The following TRPC4 variants were observed in gnomAD, a reference collection of about 807,000 sequenced individuals.
TRPC4 encodes the protein short transient receptor potential channel 4.
A neutral mutation model predicts 99.4 loss-of-function variants in TRPC4; 49 were observed. The observed-to-expected ratio is 0.49, with a 90% confidence interval of 0.39 to 0.63. The LOEUF is 0.63. Among genes scored for constraint, TRPC4 ranks in the 20% least tolerant of loss-of-function variants. The pLI is 0.00. For missense variants in TRPC4, 898 were observed against 1,152.9 expected, an observed-to-expected ratio of 0.78 and a Z score of 3.20; for synonymous variants, 454 against 425.9, an observed-to-expected ratio of 1.07 and a Z score of -0.81.
intron 7 of TRPC4, among the ~76,000 whole-genome samples, chr13:37,652,757 T>A (rs542832804): frequency 4.6e-4 from 1 of 2,182 alleles, no homozygotes; most frequent in South Asian, 0.025. Flanking sequence ...AAAAAGGCAA[T>A]CACTTAGATA....
At chr13:37,681,768 G>A (rs573758121) in intron 4 of TRPC4, among the ~76,000 whole-genome samples, 8 of 152,282 alleles carry the variant, frequency 5.3e-5, no homozygotes, top group East Asian at 3.9e-4. Flanking sequence ...GGAACATTTC[G>A]AAATTGCTCT....
chr13:37,864,303 A>G (rs2139732158), intron 1 of TRPC4, among the ~76,000 whole-genome samples: 1 of 151,750 alleles, frequency 6.6e-6, no homozygotes, highest in South Asian at 2.1e-4. Flanking sequence ...TCCTTTAAGA[A>G]TTCTGGCACA....
Position 37,857,089 on chromosome 13 carries a change from C to T in TRPC4, c.-28+12506G>A, listed in dbSNP as rs78279226. On this transcript the variant is annotated intron_variant, in intron 1 of 10. Transcript: ENST00000379705. ...ACAAATTCAATAAACTTGCAAGATA[C>T]AAAATTAATGTACAAAAATTGGTAG... 9.0e-3 allele frequency among the ~76,000 whole-genome samples: 1,365 copies of T among 151,302 alleles called. 36 individuals carry two copies. The East Asian group carries it at 0.1, about 11-fold the overall frequency.
chr13:37,746,571 T>G, intron 2 of TRPC4, 116 bp from the exon 3 acceptor site: 6 of 1,219,802 alleles, frequency 4.9e-6, no homozygotes, highest in Non-Finnish European at 3.3e-6. Flanking sequence ...GGCCGGGTTT[T>G]TTTTTTTTTG....
intron 1 of TRPC4, among the ~76,000 whole-genome samples, chr13:37,798,992 C>T (rs902787670): frequency 4.0e-5 from 6 of 149,576 alleles, no homozygotes; most frequent in Admixed American, 2.0e-4. Context: ...AATACAGTGG[C>T]GTGATCTCCG....
chr13:37,637,015 A>G lies in TRPC4; in HGVS notation c.2822T>C (p.Val941Ala), dbSNP rs1318115948. 5 of 1,613,586 alleles carry G rather than the reference A, an allele frequency of 3.1e-6. No homozygotes were observed. The East Asian group carries it at 8.9e-5, about 29-fold the overall frequency. Residue 941 changes from valine to alanine, a missense_variant, in exon 11 of 11, where the codon GTT becomes GCT. Transcript: ENST00000379705. ...ATGTTTCTCCTTTGGTATTATAGGAACCGTGTCCTCCACCACCACCTTCTC... is the reference window on the plus strand; with the variant it reads ...ATGTTTCTCCTTTGGTATTATAGGAGCCGTGTCCTCCACCACCACCTTCTC... ...KSEKVVVEDT[V>A]PIIPKEKHAK...
At position 37,728,992 on chromosome 13, in the gene TRPC4, G is replaced by T. The variant is rs777230182; in HGVS notation, c.897+16945C>A. On this transcript the variant is annotated intron_variant, in intron 3 of 10. Coordinates refer to ENST00000379705, the MANE Select transcript of TRPC4 (RefSeq NM_016179.4). ...GAATATACACATAAATAAGAATGAA[G>T]TTGGACCCTTGCCATACCAAAAATT... Among the ~76,000 whole-genome samples the T allele has an allele frequency of 2.5e-4, 38 of 152,188 alleles. 1 individual carries two copies. Among genetic ancestry groups the T allele is most frequent in the Non-Finnish European group, 5.0e-4 (34 of 67,980 alleles).
intron 2 of TRPC4, among the ~76,000 whole-genome samples, chr13:37,780,308 A>AT (rs1242242358): frequency 9.2e-5 from 14 of 151,832 alleles, no homozygotes; most frequent in East Asian, 3.9e-4. Context: ...TCAGATTTGG[A>AT]TTTTTTTTCT....
In TRPC4 at chr13:37,752,079, A is replaced by ATATATG. The variant is rs1326573552; in HGVS notation, c.379-5625_379-5624insCATATA. On this transcript the variant is annotated intron_variant, in intron 2 of 10. Transcript: ENST00000379705. ...AAAACCTGATAAAGCAGAAAACTAT[A>ATATATG]TATATATATATATATATGACTGGTA... Among the ~76,000 whole-genome samples, 6 of 119,280 alleles carry ATATATG rather than the reference A, an allele frequency of 5.0e-5. No homozygotes were observed. In the East Asian group the frequency reaches 1.0e-3, roughly 21 times the overall value. The allele number at this position is 119,280 out of a possible 152,430, so 78.3% of individuals were successfully genotyped here.
At chr13:37,688,178 AT>A (rs1953555977) in intron 4 of TRPC4, among the ~76,000 whole-genome samples, 1 of 152,218 alleles carries the variant, frequency 6.6e-6, no homozygotes, top group South Asian at 2.1e-4. Flanking sequence ...AGTAAAAATA[AT>A]TCTGAAAGCT....
intron 3 of TRPC4, among the ~76,000 whole-genome samples, chr13:37,711,601 C>G (rs1303399262): frequency 6.6e-6 from 1 of 151,988 alleles, no homozygotes; most frequent in Non-Finnish European, 1.5e-5. Context: ...ATATAAGTCT[C>G]TGTAAGATAT....
At chr13:37,661,261 G>T (rs890657817) in intron 6 of TRPC4, among the ~76,000 whole-genome samples, 6 of 152,166 alleles carry the variant, frequency 3.9e-5, no homozygotes, top group Admixed American at 3.9e-4. Context: ...CATCATGCTT[G>T]TCTGGCCTTA....
chr13:37,636,655 A>G lies in TRPC4; in HGVS notation c.*248T>C. 1 of 376,534 alleles carries G rather than the reference A, an allele frequency of 2.7e-6. No individual in the cohort carries two copies. Among genetic ancestry groups the G allele is most frequent in the Non-Finnish European group, 4.7e-6 (1 of 212,778 alleles). 23.3% of individuals were successfully genotyped at this position (376,534 alleles called of 1,614,324 possible). A position where few individuals can be genotyped will look rare whatever the true frequency, so the allele number is the denominator to read the frequency against. On this transcript the variant is annotated 3_prime_UTR_variant, in exon 11 of 11. Transcript: ENST00000379705. ...TGTGGGTTATTGCAACAGTACAAGAATACAAGGTGCATTTATTTATTAACA... is the reference window on the plus strand; with the variant it reads ...TGTGGGTTATTGCAACAGTACAAGAGTACAAGGTGCATTTATTTATTAACA...
intron 6 of TRPC4, 77 bp downstream of exon 6, chr13:37,663,339 T>C (rs1294114932): frequency 3.6e-6 from 5 of 1,383,566 alleles, no homozygotes; most frequent in Middle Eastern, 2.2e-4. Flanking sequence ...CCATTTGTCA[T>C]AGGTTTTTCA....
At chr13:37,842,620 A>G (rs1958776357) in intron 1 of TRPC4, among the ~76,000 whole-genome samples, 1 of 152,072 alleles carries the variant, frequency 6.6e-6, no homozygotes, top group African/African-American at 2.4e-5. Flanking sequence ...CATAGATGGC[A>G]CCTTCTTGCT....
At chr13:37,754,980 C>A (rs1335825022) in intron 2 of TRPC4, among the ~76,000 whole-genome samples, 2 of 151,916 alleles carry the variant, frequency 1.3e-5, no homozygotes, top group Non-Finnish European at 2.9e-5. Context: ...TAAGTTAGTG[C>A]AAAAGTAATT....
In TRPC4 at chr13:37,745,538, G is replaced by A. The variant is rs1239718675; in HGVS notation, c.897+399C>T. Among the ~76,000 whole-genome samples, 58 of 128,168 alleles carry A rather than the reference G, an allele frequency of 4.5e-4. 1 individual carries two copies. Among genetic ancestry groups the A allele is most frequent in the African/African-American group, 1.7e-3 (55 of 33,142 alleles). The allele number at this position is 128,168 out of a possible 152,430, so 84.1% of individuals were successfully genotyped here. A position where few individuals can be genotyped will look rare whatever the true frequency, so the allele number is the denominator to read the frequency against. On this transcript the variant is annotated intron_variant, in intron 3 of 10. Coordinates refer to ENST00000379705, the MANE Select transcript of TRPC4 (RefSeq NM_016179.4). ...TATATACGTATATATGTATATATAC[G>A]TATATATATATATATATAATTTCAA...
chr13:37,773,166 G>A lies in TRPC4; in HGVS notation c.378+9790C>T, dbSNP rs570484602. ...GAAAGAACTCTCTATACTGCTTGGT[G>A]GCCAAGTTTTACTTCTAGACCTGTT... is the stretch of plus-strand genomic sequence containing the variant. On this transcript the variant is annotated intron_variant, in intron 2 of 10. Transcript: ENST00000379705. Among the ~76,000 whole-genome samples, 39 of 151,740 alleles carry A rather than the reference G, an allele frequency of 2.6e-4. 1 individual carries two copies. The South Asian group carries it at 7.3e-3, about 28-fold the overall frequency.
chr13:37,817,958 T>C (rs1957905205), intron 1 of TRPC4, among the ~76,000 whole-genome samples: 2 of 151,998 alleles, frequency 1.3e-5, no homozygotes, highest in Non-Finnish European at 2.9e-5. Flanking sequence ...GGTAATACTA[T>C]TTAGGACACA....
Sources: allele counts gnomAD v4.1 joint callset (sites outside exome capture counted in the v4.1 genomes callset), GRCh38; gene constraint gnomAD v4.1.1; transcripts MANE v1.5; gene names NCBI Gene and HGNC (gene_info 2026-07-23, HGNC 2026-07-21).